Variants in DMD observed in about 807,000 individuals in gnomAD.
The protein encoded by DMD is mutant dystrophin.
DMD carries 63 observed loss-of-function variants against 330.1 expected under a neutral mutation model. That is an observed-to-expected ratio of 0.19 (90% CI 0.16 to 0.24). The LOEUF is 0.24. Among genes scored for constraint, DMD ranks in the 10% least tolerant of loss-of-function variants. DMD has a pLI of 1.00. For missense variants in DMD, 3,344 were observed against 2,684.1 expected (o/e 1.25, Z -5.43); for synonymous variants, 1,223 against 959.8 (o/e 1.27, Z -5.07).
At chrX:31,324,435 A>G (rs1483020942) in intron 61 of DMD, among the ~76,000 whole-genome samples, 5 of 108,689 alleles carry the variant, frequency 4.6e-5, no homozygotes, top group African/African-American at 1.7e-4. Context: ...TTTCTTCCCT[A>G]AAGCTGAACC....
rs184246513 is a variant in DMD, at chrX:32,633,818, G to A, written c.1331+10314C>T. On this transcript the variant is annotated intron_variant, in intron 11 of 78. Coordinates refer to ENST00000357033, the MANE Select transcript of DMD (RefSeq NM_004006.3). ...CCACAGCAGGAGCAAGAGTGAGAGG[G>A]AGGGTGCCACGCTTTTAAACAACCA... 9.5e-3 allele frequency among the ~76,000 whole-genome samples: 1,053 copies of A among 111,112 alleles called. 14 individuals carry two copies. The highest frequency in any genetic ancestry group is 0.033 in the African/African-American group (1,008 of 30,507).
intron 12 of DMD, among the ~76,000 whole-genome samples, chrX:32,610,506 T>C (rs749974360): frequency 1.3e-4 from 14 of 111,589 alleles, no homozygotes; most frequent in Admixed American, 2.9e-4. Context: ...CAAAGGATCC[T>C]GTCACAGAAT....
At chrX:31,819,386 C>T (rs928587581) in intron 50 of DMD, among the ~76,000 whole-genome samples, 5 of 112,491 alleles carry the variant, frequency 4.4e-5, no homozygotes, top group African/African-American at 1.6e-4. Flanking sequence ...GCTAGTAGGA[C>T]TGTGTGTGTT....
At chrX:31,994,396 C>G (rs866243566) in intron 44 of DMD, among the ~76,000 whole-genome samples, 1 of 111,838 alleles carries the variant, frequency 8.9e-6, no homozygotes, top group African/African-American at 3.3e-5. Flanking sequence ...AGGCAAAATT[C>G]CCATGAACGC....
chrX:32,112,475 T>G (rs970040963), intron 44 of DMD, among the ~76,000 whole-genome samples: 1 of 111,604 alleles, frequency 9.0e-6, no homozygotes, highest in African/African-American at 3.3e-5. Context: ...GAAGGTCATA[T>G]GGTGGGTTTA....
chrX:33,033,889 G>C (rs920860460), intron 1 of DMD, among the ~76,000 whole-genome samples: 4 of 111,798 alleles, frequency 3.6e-5, no homozygotes, highest in Middle Eastern at 4.9e-3. Flanking sequence ...GGAATTTTCT[G>C]TTTCGAAAAA....
chrX:32,329,210 C>T (rs182047399), intron 41 of DMD, among the ~76,000 whole-genome samples: 1 of 111,989 alleles, frequency 8.9e-6, no homozygotes, highest in Non-Finnish European at 1.9e-5. Context: ...TTGCAGATTG[C>T]AGTAAATATT....
In DMD at chrX:31,751,750, A is replaced by G. The variant is rs74923265; in HGVS notation, c.7543-22002T>C. Among the ~76,000 whole-genome samples the G allele has an allele frequency of 9.8e-5, 11 of 112,444 alleles. No homozygotes were observed. In the East Asian group the frequency reaches 3.1e-3, roughly 31 times the overall value. ...GTATTAAAATTGTGCAAAGTTAGTC[A>G]TTACTAAATGTTCATGGCTGTATTA... is the stretch of plus-strand genomic sequence containing the variant. On this transcript the variant is annotated intron_variant, in intron 51 of 78. Transcript: ENST00000357033.
intron 77 of DMD, among the ~76,000 whole-genome samples, chrX:31,130,556 A>G (rs2034353321): frequency 1.8e-5 from 2 of 112,452 alleles, no homozygotes; most frequent in African/African-American, 6.5e-5. Flanking sequence ...TTACACATTC[A>G]TATCTTGAAT....
intron 48 of DMD, among the ~76,000 whole-genome samples, chrX:31,861,736 T>TACACACACAC (rs753295784): frequency 0.11 from 8,658 of 76,722 alleles, 630 homozygotes; most frequent in Admixed American, 0.24. Context: ...AAGAGTGCTA[T>TACACACACAC]ACACACACAC....
intron 26 of DMD, among the ~76,000 whole-genome samples, chrX:32,450,553 T>C (rs190274108): frequency 1.0e-3 from 116 of 110,679 alleles, no homozygotes; most frequent in Non-Finnish European, 1.6e-3. Context: ...GTGCCAGCCA[T>C]GTCATAAGTG....
At chrX:32,762,174 A>C (rs2072402266) in intron 7 of DMD, among the ~76,000 whole-genome samples, 1 of 104,343 alleles carries the variant, frequency 9.6e-6, no homozygotes. Flanking sequence ...AAAAGAAAAA[A>C]AAAATCAAAA....
At chrX:32,777,199 A>G (rs1277394541) in intron 7 of DMD, among the ~76,000 whole-genome samples, 1 of 91,038 alleles carries the variant, frequency 1.1e-5, no homozygotes, top group African/African-American at 4.2e-5. Context: ...AGCATTATCA[A>G]TTTATCCAGG....
rs1370469554 is a variant in DMD, at chrX:31,121,134, T to TATTA, written c.*781_*784dup. 1 of 111,800 alleles carries TATTA rather than the reference T, an allele frequency of 8.9e-6. No individual in the cohort carries two copies. Among genetic ancestry groups the TATTA allele is most frequent in the East Asian group, 2.8e-4 (1 of 3,583 alleles). 9.2% of individuals were successfully genotyped at this position (111,800 alleles called of 1,213,427 possible). A position where few individuals can be genotyped will look rare whatever the true frequency, so the allele number is the denominator to read the frequency against. The stretch of plus-strand genomic sequence containing the variant: ...TGACTGACTAGAAGTAATTTCTTTC[T>TATTA]ATTAGGATGTGACATGAACATTTAA... On this transcript the variant is annotated 3_prime_UTR_variant, in exon 79 of 79. Transcript: ENST00000357033.
At chrX:32,327,351 T>C (rs1213401131) in intron 41 of DMD, among the ~76,000 whole-genome samples, 1 of 111,341 alleles carries the variant, frequency 9.0e-6, no homozygotes, top group African/African-American at 3.3e-5. Context: ...ATTTTGGGAA[T>C]CGAGAGGCCT....
intron 57 of DMD, among the ~76,000 whole-genome samples, chrX:31,488,757 T>C (rs1315576182): frequency 3.6e-5 from 4 of 112,069 alleles, no homozygotes; most frequent in Non-Finnish European, 7.5e-5. Flanking sequence ...CACCCTCCTT[T>C]TCTGTGTCTT....
intron 47 of DMD, among the ~76,000 whole-genome samples, chrX:31,915,259 G>T (rs1183987897): frequency 1.8e-4 from 20 of 111,802 alleles, no homozygotes; most frequent in African/African-American, 5.9e-4. Flanking sequence ...GAAAGAGAGT[G>T]CATGGATATT....
intron 55 of DMD, among the ~76,000 whole-genome samples, chrX:31,589,711 C>T (rs1362000316): frequency 9.0e-6 from 1 of 111,153 alleles, no homozygotes; most frequent in African/African-American, 3.3e-5. Flanking sequence ...GTTTATAGTA[C>T]CGGCTATATT....
intron 1 of DMD, among the ~76,000 whole-genome samples, chrX:33,095,726 C>G (rs1244099930): frequency 9.0e-6 from 1 of 110,994 alleles, no homozygotes. Context: ...TTCAAAGGAG[C>G]ATGCTTGGTA....
Sources: allele counts gnomAD v4.1 joint callset (sites outside exome capture counted in the v4.1 genomes callset), GRCh38; gene constraint gnomAD v4.1.1; transcripts MANE v1.5; gene names NCBI Gene and HGNC (gene_info 2026-07-23, HGNC 2026-07-21).